Variants in RTF2 observed in about 807,000 individuals in gnomAD.
RTF2 encodes UPF0549 protein C20orf43.
Under a neutral mutation model 38.0 loss-of-function variants are expected in RTF2, and 18 were observed. The observed-to-expected ratio is 0.47, with a 90% CI of 0.33 to 0.70. RTF2 has a LOEUF of 0.70. RTF2 is among the 30% of genes least tolerant of loss of function. RTF2 has a pLI of 0.02. For synonymous variants in RTF2, 126 were observed against 137.1 expected (o/e 0.92, Z 0.57); for missense variants, 311 against 379.6 (o/e 0.82, Z 1.50).
intron 5 of RTF2, among the ~76,000 whole-genome samples, chr20:56,510,860 G>C (rs1984616341): frequency 6.6e-6 from 1 of 152,186 alleles, no homozygotes; most frequent in Admixed American, 6.5e-5. Context: ...GGATGAGGTG[G>C]GAGGATGGCT....
chr20:56,504,478 C>T (rs1984131566), intron 5 of RTF2, among the ~76,000 whole-genome samples: 1 of 152,158 alleles, frequency 6.6e-6, no homozygotes, highest in South Asian at 2.1e-4. Context: ...AAATAAAAGT[C>T]ACTTAAAAAT....
At chr20:56,509,041 T>G (rs1312623461) in intron 5 of RTF2, among the ~76,000 whole-genome samples, 2 of 152,232 alleles carry the variant, frequency 1.3e-5, no homozygotes, top group African/African-American at 4.8e-5. Flanking sequence ...TAAAAAACTT[T>G]TGTAATTATC....
At chr20:56,497,672 A>G in intron 5 of RTF2, 1 of 1,153,178 alleles carries the variant, frequency 8.7e-7, no homozygotes, top group Non-Finnish European at 1.1e-6. Context: ...AAGCTTCCTA[A>G]AAGAACAACA....
intron 1 of RTF2, among the ~76,000 whole-genome samples, chr20:56,472,573 C>T (rs1008517596): frequency 8.2e-6 from 1 of 122,532 alleles, no homozygotes; most frequent in Non-Finnish European, 1.7e-5. Context: ...TTGTTCTGAA[C>T]TTTAAAAAAA....
At chr20:56,494,609 G>GA (rs1482891225) in intron 5 of RTF2, among the ~76,000 whole-genome samples, 3 of 152,132 alleles carry the variant, frequency 2.0e-5, no homozygotes, top group Middle Eastern at 3.2e-3. Context: ...ATCTGCTTTT[G>GA]AAAAAACCCC....
intron 5 of RTF2, chr20:56,497,416 A>G (rs6024911): frequency 0.8 from 1,236,732 of 1,547,934 alleles, 495,513 homozygotes; most frequent in East Asian, 0.99. Context: ...TTTGCAATTT[A>G]GGGGGCCGCC....
chr20:56,497,256 T>C (rs1342292289), intron 5 of RTF2: 4 of 1,551,680 alleles, frequency 2.6e-6, no homozygotes, highest in Non-Finnish European at 3.5e-6. Context: ...CAGCTCCTTA[T>C]GAATAGTTAT....
intron 6 of RTF2, chr20:56,515,593 GAGAGAGACAC>G (rs71198365): frequency 0.17 from 18,614 of 112,380 alleles, 1,307 homozygotes; most frequent in Non-Finnish European, 0.21. Context: ...GAGAGAGAGA[GAGAGAGACAC>G]ACACACACAC....
intron 5 of RTF2, among the ~76,000 whole-genome samples, chr20:56,502,284 T>C (rs78157786): frequency 6.6e-6 from 1 of 152,378 alleles, no homozygotes; most frequent in East Asian, 1.9e-4. Flanking sequence ...TTTATGTTTT[T>C]GTCCAGGGTT....
Position 56,468,630 on chromosome 20 carries a change from G to C in RTF2, c.-68G>C, listed in dbSNP as rs1568688526. 2 of 1,451,088 alleles carry C rather than the reference G, an allele frequency of 1.4e-6. No individual in the cohort carries two copies. The highest frequency in any genetic ancestry group is 1.4e-5 in the African/African-American group (1 of 71,030). 89.9% of individuals were successfully genotyped at this position (1,451,088 alleles called of 1,614,324 possible). On this transcript the variant is annotated 5_prime_UTR_variant, in exon 1 of 9. Transcript: ENST00000357348. ...CGGCGGTGCGCCGGAAGTGGCTGCGGATTTCGCCGGAAATCCCGGAAGTGA... is the reference window on the plus strand; with the variant it reads ...CGGCGGTGCGCCGGAAGTGGCTGCGCATTTCGCCGGAAATCCCGGAAGTGA...
chr20:56,478,740 A>T (rs558249052), intron 4 of RTF2, among the ~76,000 whole-genome samples: 6 of 152,272 alleles, frequency 3.9e-5, no homozygotes, highest in Non-Finnish European at 8.8e-5. Context: ...TTACAGTAAG[A>T]CAGCAATAGA....
chr20:56,471,227 T>A (rs111704165), intron 1 of RTF2, among the ~76,000 whole-genome samples: 2 of 152,286 alleles, frequency 1.3e-5, no homozygotes, highest in African/African-American at 4.8e-5. Context: ...ATACATTTTG[T>A]CCGAAGTGTT....
chr20:56,506,206 G>A (rs894752790), intron 5 of RTF2, among the ~76,000 whole-genome samples: 1 of 151,940 alleles, frequency 6.6e-6, no homozygotes, highest in Non-Finnish European at 1.5e-5. Context: ...TCCCGCCATG[G>A]AACATGAAGA....
In RTF2 at chr20:56,477,090, C is replaced by T; in HGVS notation, c.364C>T (p.Pro122Ser). 1 of 1,613,968 alleles carries T rather than the reference C, an allele frequency of 6.2e-7. No individual in the cohort carries two copies. Among genetic ancestry groups the T allele is most frequent in the Non-Finnish European group, 8.5e-7 (1 of 1,179,932 alleles). Residue 122 changes from proline to serine, a missense_variant, in exon 4 of 9, where the codon CCC (proline) becomes TCC (serine). By Grantham distance (74) the Pro-to-Ser change is moderately conservative. Coordinates refer to ENST00000357348, the MANE Select transcript of RTF2 (RefSeq NM_016407.5). ...CCTCCAGCGGGCGCGTTTCATCTGCCCCGTTGTGGGCCTGGAGATGAACGG... is the reference window on the plus strand; with the variant it reads ...CCTCCAGCGGGCGCGTTTCATCTGCTCCGTTGTGGGCCTGGAGATGAACGG... ...DDLQRARFIC[P>S]VVGLEMNGRH...
At chr20:56,497,491 G>T (rs1457614671) in intron 5 of RTF2, 2 of 1,491,118 alleles carry the variant, frequency 1.3e-6, no homozygotes, top group African/African-American at 1.4e-5. Context: ...ACTACTTCTG[G>T]TTGGGCAGGT....
intron 4 of RTF2, among the ~76,000 whole-genome samples, chr20:56,482,497 G>A (rs1982575566): frequency 6.6e-6 from 1 of 152,220 alleles, no homozygotes; most frequent in African/African-American, 2.4e-5. Flanking sequence ...CATGGATATA[G>A]AGGATATAGA....
At chr20:56,494,611 A>C (rs1449613673) in intron 5 of RTF2, among the ~76,000 whole-genome samples, 1 of 152,212 alleles carries the variant, frequency 6.6e-6, no homozygotes, top group Non-Finnish European at 1.5e-5. Flanking sequence ...CTGCTTTTGA[A>C]AAAACCCCTT....
intron 5 of RTF2, among the ~76,000 whole-genome samples, chr20:56,487,454 C>T (rs1193662497): frequency 1.3e-5 from 2 of 152,218 alleles, no homozygotes; most frequent in South Asian, 2.1e-4. Flanking sequence ...AGGCTCCTCC[C>T]GGCTCCTCGT....
At chr20:56,490,596 C>A (rs1185413055) in intron 5 of RTF2, among the ~76,000 whole-genome samples, 1 of 152,214 alleles carries the variant, frequency 6.6e-6, no homozygotes, top group Non-Finnish European at 1.5e-5. Context: ...AGGCGGATCA[C>A]CTGAGGTCGG....
Sources: gnomAD v4.1 joint callset for allele counts (sites outside exome capture counted in the v4.1 genomes callset) on GRCh38, gnomAD v4.1.1 for gene constraint, MANE v1.5 for transcripts, NCBI Gene and HGNC (gene_info 2026-07-23, HGNC 2026-07-21) for gene names.